STAM2: variants seen among roughly 807,000 people sequenced by gnomAD.
STAM2 encodes the protein signal transducing adaptor molecule 2.
STAM2 carries 51 observed loss-of-function variants against 65.6 expected under a neutral mutation model. The ratio of observed to expected loss-of-function variants is 0.78; its 90% confidence interval spans 0.62 to 0.98. The LOEUF (loss-of-function observed/expected upper bound fraction) is 0.98, where lower values mean the gene tolerates loss of function less well. Ranked by LOEUF, STAM2 falls within the 50% of genes least tolerant of loss-of-function variation. The pLI is 0.00. For synonymous variants in STAM2, 198 were observed against 208.4 expected, an observed-to-expected ratio of 0.95 and a Z score of 0.43; for missense variants, 584 against 617.8, an observed-to-expected ratio of 0.95 and a Z score of 0.58.
chr2:152,161,101 G>A (rs1420075409), intron 1 of STAM2, among the ~76,000 whole-genome samples: 1 of 152,202 alleles, frequency 6.6e-6, no homozygotes, highest in Non-Finnish European at 1.5e-5. Flanking sequence ...TGGTTGCCGT[G>A]TCTGTGTAGA....
At chr2:152,142,706 G>A (rs1274373658) in intron 7 of STAM2, among the ~76,000 whole-genome samples, 1 of 152,146 alleles carries the variant, frequency 6.6e-6, no homozygotes, top group Non-Finnish European at 1.5e-5. Flanking sequence ...GCTAATATAA[G>A]TTGAGAAACA....
intron 8 of STAM2, among the ~76,000 whole-genome samples, chr2:152,135,096 T>G (rs1043770085): frequency 1.3e-5 from 2 of 152,222 alleles, no homozygotes; most frequent in African/African-American, 4.8e-5. Context: ...CTAACCCCAG[T>G]AATCATATTC....
At chr2:152,135,720 A>G in intron 7 of STAM2, 117 bp from the exon 8 acceptor site, 1 of 662,312 alleles carries the variant, frequency 1.5e-6, no homozygotes, top group Non-Finnish European at 2.6e-6. Context: ...AGCAGCTATA[A>G]TTGAGTCATT....
Position 152,120,593 on chromosome 2 carries a change from T to TG in STAM2, c.1558dup (p.His520ProfsTer15). ...TTGTTTCTAAAGGAGAGGCTGCTGA[T>TG]GGTAATTTGTGTGCTGCTGTGCAAC... On this transcript the variant is annotated frameshift_variant, in exon 14 of 14. Coordinates refer to ENST00000263904, the MANE Select transcript of STAM2 (RefSeq NM_005843.6). LOFTEE classifies it high-confidence loss of function. 1 of 1,614,080 alleles carries TG rather than the reference T, an allele frequency of 6.2e-7. No homozygotes were observed. The highest frequency in any genetic ancestry group is 8.5e-7 in the Non-Finnish European group (1 of 1,180,002).
At chr2:152,153,451 T>A (rs939524907) in intron 1 of STAM2, among the ~76,000 whole-genome samples, 1 of 151,658 alleles carries the variant, frequency 6.6e-6, no homozygotes, top group Non-Finnish European at 1.5e-5. Flanking sequence ...ACTTCGTGAG[T>A]AAAGAGAAAC....
intron 1 of STAM2, among the ~76,000 whole-genome samples, chr2:152,173,829 A>C (rs879274007): frequency 5.3e-5 from 8 of 152,198 alleles, no homozygotes; most frequent in Non-Finnish European, 8.8e-5. Flanking sequence ...TTCTAATTCC[A>C]TTCTCTTGTC....
At chr2:152,157,045 G>A (rs538862515) in intron 1 of STAM2, among the ~76,000 whole-genome samples, 1 of 152,218 alleles carries the variant, frequency 6.6e-6, no homozygotes, top group Admixed American at 6.5e-5. Flanking sequence ...CCTCACGATG[G>A]CCTCAGCTTT....
chr2:152,139,173 TAATA>T (rs1689203252), intron 7 of STAM2, among the ~76,000 whole-genome samples: 1 of 152,208 alleles, frequency 6.6e-6, no homozygotes, highest in Non-Finnish European at 1.5e-5. Flanking sequence ...ACAAACCATT[TAATA>T]ATTAAAGAAA....
At chr2:152,145,941 C>T (rs901092988) in intron 5 of STAM2, among the ~76,000 whole-genome samples, 3 of 152,060 alleles carry the variant, frequency 2.0e-5, no homozygotes, top group African/African-American at 7.2e-5. Flanking sequence ...TATCTCAAAA[C>T]GTTACCTTGT....
Position 152,133,191 on chromosome 2 carries a change from C to T in STAM2, c.952G>A (p.Asp318Asn), listed in dbSNP as rs1338000013. 4 of 1,593,980 alleles carry T rather than the reference C, an allele frequency of 2.5e-6. No individual in the cohort carries two copies. The East Asian group carries it at 9.1e-5, about 36-fold the overall frequency. ...DPTDSKPDSQ[D>N]LLDLEDICQQ... ...TAAGTACCTTCTAAATCCAAAAGGT[C>T]TTGGGAGTCTGGTTTTGAATCTGTT... Residue 318 changes from aspartate (D) to asparagine (N), a missense_variant, in exon 10 of 14, where the codon GAC becomes AAC. Physicochemically the swap from Asp to Asn is conservative, Grantham distance 23. Coordinates refer to ENST00000263904, the MANE Select transcript of STAM2 (RefSeq NM_005843.6).
chr2:152,123,780 T>C lies in STAM2; in HGVS notation c.1335A>G (p.Gln445=), dbSNP rs1228219809. The C allele has an allele frequency of 6.2e-7, 1 of 1,613,662 alleles. No homozygotes were observed. ...CCAAAACTTACCTTAAATATGAAGT[T>C]TGAGCAGGCTGTGCTGTCACTGAGG... is the stretch of plus-strand genomic sequence containing the variant. ...VNSSVTAQPA[Q]TSYLSTGQDT... The change falls in exon 13 of 14, where the codon CAA becomes CAG. Residue 445 remains glutamine (Q), a synonymous_variant. Coordinates refer to ENST00000263904, the MANE Select transcript of STAM2 (RefSeq NM_005843.6).
intron 1 of STAM2, among the ~76,000 whole-genome samples, chr2:152,170,444 C>T (rs11694120): frequency 0.22 from 32,112 of 148,946 alleles, 3,669 homozygotes; most frequent in Admixed American, 0.3. Flanking sequence ...GATCGCGCCA[C>T]TGCACTCCAG....
In STAM2 at chr2:152,120,359, C is replaced by T; in HGVS notation, c.*215G>A. The T allele has an allele frequency of 3.8e-6, 2 of 527,134 alleles. No individual in the cohort carries two copies. Among genetic ancestry groups the T allele is most frequent in the African/African-American group, 2.0e-5 (1 of 50,140 alleles). The allele number at this position is 527,134 out of a possible 1,614,324, so 32.7% of individuals were successfully genotyped here. On this transcript the variant is annotated 3_prime_UTR_variant, in exon 14 of 14. Coordinates refer to ENST00000263904, the MANE Select transcript of STAM2 (RefSeq NM_005843.6). ...CTAACTGAAAGCATCTTTAAGCTGC[C>T]TCTGATGAAAAGATTGACTTCAAAC...
At chr2:152,122,493 TTA>T (rs1187945692) in intron 13 of STAM2, among the ~76,000 whole-genome samples, 1 of 152,124 alleles carries the variant, frequency 6.6e-6, no homozygotes, top group African/African-American at 2.4e-5. Flanking sequence ...TAAAAGAGAA[TTA>T]GTTTCAAAAC....
chr2:152,169,892 T>TGCCCCAGCTGGAGTGCAGTGGC (rs1180789353), intron 1 of STAM2, among the ~76,000 whole-genome samples: 1 of 151,582 alleles, frequency 6.6e-6, no homozygotes, highest in Admixed American at 6.6e-5. Context: ...CTCACTCTGT[T>TGCCCCAGCTGGAGTGCAGTGGC]GCCCCAGCTG....
intron 7 of STAM2, among the ~76,000 whole-genome samples, chr2:152,143,187 T>A (rs1461348311): frequency 1.3e-5 from 2 of 152,170 alleles, no homozygotes; most frequent in African/African-American, 4.8e-5. Flanking sequence ...ACCCTTTATT[T>A]AAAAAATACT....
At chr2:152,121,812 A>C (rs1013766543) in intron 13 of STAM2, among the ~76,000 whole-genome samples, 1 of 152,004 alleles carries the variant, frequency 6.6e-6, no homozygotes, top group South Asian at 2.1e-4. Context: ...TGGGAGGCCG[A>C]GGAGGGCGGA....
chr2:152,174,420 A>C (rs572225445), intron 1 of STAM2, among the ~76,000 whole-genome samples: 1 of 152,304 alleles, frequency 6.6e-6, no homozygotes, highest in African/African-American at 2.4e-5. Context: ...AGTCACCTGT[A>C]TTCATCCACC....
At chr2:152,156,749 C>A (rs1284575479) in intron 1 of STAM2, among the ~76,000 whole-genome samples, 4 of 152,076 alleles carry the variant, frequency 2.6e-5, no homozygotes, top group African/African-American at 4.8e-5. Context: ...TCTAGCTCTA[C>A]CCATAAAACT....
Sources: gnomAD v4.1 joint callset for allele counts (sites outside exome capture counted in the v4.1 genomes callset) on GRCh38, gnomAD v4.1.1 for gene constraint, MANE v1.5 for transcripts, NCBI Gene and HGNC (gene_info 2026-07-23, HGNC 2026-07-21) for gene names.